The following SLC35F2 variants were observed in gnomAD, a reference collection of about 807,000 sequenced individuals.
SLC35F2 encodes solute carrier family 35 member F2, also known as queuine/queuosine transporter SLC35F2.
Under a neutral mutation model 38.1 loss-of-function variants are expected in SLC35F2, and 25 were observed. The ratio of observed to expected loss-of-function variants is 0.66; its 90% CI spans 0.48 to 0.92. The LOEUF (loss-of-function observed/expected upper bound fraction) is 0.92. Among genes scored for constraint, SLC35F2 ranks in the 40% least tolerant of loss-of-function variants. The pLI is 0.00. For missense variants in SLC35F2, 409 were observed against 452.9 expected (o/e 0.90, Z 0.88); for synonymous variants, 173 against 181.7 (o/e 0.95, Z 0.38).
intron 1 of SLC35F2, among the ~76,000 whole-genome samples, chr11:107,830,236 A>G (rs1458423944): frequency 2.6e-5 from 4 of 152,188 alleles, no homozygotes; most frequent in South Asian, 2.1e-4. Context: ...AATCTTTGCA[A>G]TTGGTTTCCA....
At chr11:107,806,588 C>T in intron 4 of SLC35F2, 129 bp downstream of exon 4, 1 of 809,302 alleles carries the variant, frequency 1.2e-6, no homozygotes, top group South Asian at 1.4e-5. Context: ...CAAAGTGTGG[C>T]AAAGTGTTCT....
intron 1 of SLC35F2, among the ~76,000 whole-genome samples, chr11:107,851,825 GAGTTCCCC>G (rs928646604): frequency 6.6e-6 from 1 of 152,088 alleles, no homozygotes; most frequent in African/African-American, 2.4e-5. Context: ...GTAGAATCCA[GAGTTCCCC>G]AATTCCCCAG....
At chr11:107,824,038 G>C in intron 1 of SLC35F2, 1 of 982,630 alleles carries the variant, frequency 1.0e-6, no homozygotes, top group Non-Finnish European at 1.2e-6. Context: ...ATAGTCCTAC[G>C]ATTCAAAAGT....
At chr11:107,823,917 A>C in intron 1 of SLC35F2, 1 of 828,790 alleles carries the variant, frequency 1.2e-6, no homozygotes, top group Non-Finnish European at 1.4e-6. Context: ...CGACATAACA[A>C]GACAGTCTCA....
chr11:107,812,431 G>A (rs1323788696), intron 2 of SLC35F2, among the ~76,000 whole-genome samples: 4 of 152,280 alleles, frequency 2.6e-5, no homozygotes, highest in East Asian at 3.9e-4. Flanking sequence ...CAGCTACTCA[G>A]GAGGTTGAGG....
intron 1 of SLC35F2, among the ~76,000 whole-genome samples, chr11:107,827,894 G>C (rs1385391521): frequency 6.6e-6 from 1 of 152,122 alleles, no homozygotes; most frequent in African/African-American, 2.4e-5. Flanking sequence ...CTGGGCGATA[G>C]AGTAATACTC....
intron 1 of SLC35F2, 111 bp downstream of exon 1, chr11:107,858,547 C>A: frequency 9.7e-7 from 1 of 1,027,538 alleles, no homozygotes; most frequent in Non-Finnish European, 1.3e-6. Flanking sequence ...CGGCCGCCAC[C>A]TCTGCCTCCC....
At chr11:107,811,823 TG>T in intron 2 of SLC35F2, 29 bp from the exon 3 acceptor site, 1 of 1,599,310 alleles carries the variant, frequency 6.3e-7, no homozygotes, top group Non-Finnish European at 8.5e-7. Flanking sequence ...GGTTAGTACA[TG>T]TTACTTGCAA....
intron 1 of SLC35F2, among the ~76,000 whole-genome samples, chr11:107,828,524 G>C (rs1591199700): frequency 6.6e-6 from 1 of 151,234 alleles, no homozygotes; most frequent in Non-Finnish European, 1.5e-5. Context: ...TTACTATTTT[G>C]AAGACTAGTG....
chr11:107,809,460 CAA>C (rs775009107), intron 3 of SLC35F2, among the ~76,000 whole-genome samples: 48,914 of 105,588 alleles, frequency 0.46, 10,091 homozygotes, highest in Non-Finnish European at 0.53. Context: ...GACTCCACCT[CAA>C]AAAAAAAAAA....
intron 1 of SLC35F2, among the ~76,000 whole-genome samples, chr11:107,845,733 ACTT>A (rs1860095780): frequency 6.6e-6 from 1 of 151,952 alleles, no homozygotes; most frequent in African/African-American, 2.4e-5. Flanking sequence ...CAGGCGGATC[ACTT>A]CAGGTCAGGA....
chr11:107,834,354 G>A (rs532287560), intron 1 of SLC35F2, among the ~76,000 whole-genome samples: 4 of 152,198 alleles, frequency 2.6e-5, no homozygotes, highest in South Asian at 4.2e-4. Flanking sequence ...AAACGTTGAC[G>A]AAAATGAATG....
intron 1 of SLC35F2, among the ~76,000 whole-genome samples, chr11:107,828,976 T>C (rs1019902241): frequency 1.3e-5 from 2 of 148,190 alleles, no homozygotes; most frequent in African/African-American, 2.5e-5. Flanking sequence ...GGAGTGGTGG[T>C]GCACGCCTGT....
In SLC35F2 at chr11:107,811,797, G is replaced by A; in HGVS notation, c.287-3C>T. ...GATTACTAAAAGGTTATCACTGCCTGGTTGAAAGAAATATGGGTTAGTACA... is the reference window on the plus strand; with the variant it reads ...GATTACTAAAAGGTTATCACTGCCTAGTTGAAAGAAATATGGGTTAGTACA... On this transcript the variant is annotated splice_region_variant and splice_polypyrimidine_tract_variant and intron_variant, in intron 2 of 7. Transcript: ENST00000525815. 3 of 1,613,074 alleles carry A rather than the reference G, an allele frequency of 1.9e-6. No individual in the cohort carries two copies. The highest frequency in any genetic ancestry group is 2.5e-6 in the Non-Finnish European group (3 of 1,179,412).
chr11:107,808,012 A>G (rs955060361), intron 3 of SLC35F2, among the ~76,000 whole-genome samples: 1 of 152,232 alleles, frequency 6.6e-6, no homozygotes, highest in African/African-American at 2.4e-5. Flanking sequence ...AACAGGACAG[A>G]GCAAGCTGTG....
At chr11:107,824,017 T>C in intron 1 of SLC35F2, 1 of 984,812 alleles carries the variant, frequency 1.0e-6, no homozygotes, top group Non-Finnish European at 1.2e-6. Context: ...AACTGTTTTC[T>C]TTCCATCTCC....
At chr11:107,802,128 C>T (rs1453290105) in intron 7 of SLC35F2, among the ~76,000 whole-genome samples, 1 of 151,976 alleles carries the variant, frequency 6.6e-6, no homozygotes, top group Non-Finnish European at 1.5e-5. Context: ...ATCCCAGCTA[C>T]TCAGGAGGCT....
At chr11:107,840,655 A>C (rs1291263250) in intron 1 of SLC35F2, 1 of 152,250 alleles carries the variant, frequency 6.6e-6, no homozygotes, top group African/African-American at 2.4e-5. Context: ...AACGCAATGC[A>C]CAAAGGCTTA....
At chr11:107,803,450 A>C in intron 6 of SLC35F2, 1 of 982,836 alleles carries the variant, frequency 1.0e-6, no homozygotes, top group Non-Finnish European at 1.2e-6. Flanking sequence ...ACCCCTTGCT[A>C]TGCACCCTGC....
Sources: allele counts gnomAD v4.1 joint callset (sites outside exome capture counted in the v4.1 genomes callset), GRCh38; gene constraint gnomAD v4.1.1; transcripts MANE v1.5; gene names NCBI Gene and HGNC (gene_info 2026-07-23, HGNC 2026-07-21).